Variants in FGD6 observed in about 807,000 individuals in gnomAD.
FGD6 encodes the protein FYVE, RhoGEF and PH domain containing 6, also known as FYVE, RhoGEF and PH domain-containing protein 6.
A neutral mutation model predicts 149.4 loss-of-function variants in FGD6; 90 were observed. That is an observed-to-expected ratio of 0.60 (90% CI 0.51 to 0.72). The LOEUF (loss-of-function observed/expected upper bound fraction) is 0.72, where lower values mean the gene tolerates loss of function less well. Ranked by LOEUF, FGD6 falls within the 30% of genes least tolerant of loss-of-function variation. The pLI is 0.00. For synonymous variants in FGD6, 527 were observed against 584.0 expected, an observed-to-expected ratio of 0.90 and a Z score of 1.41; for missense variants, 1,437 against 1,684.8, an observed-to-expected ratio of 0.85 and a Z score of 2.57.
In FGD6 at chr12:95,209,053, C is replaced by G. The variant is rs1480674292; in HGVS notation, c.2231G>C (p.Cys744Ser). 19 of 1,614,162 alleles carry G rather than the reference C, an allele frequency of 1.2e-5. No individual in the cohort carries two copies. Among genetic ancestry groups the G allele is most frequent in the Middle Eastern group, 1.6e-4 (1 of 6,062 alleles). The change falls in exon 2 of 21, where the codon TGT becomes TCT. Residue 744 changes from cysteine to serine, a missense_variant. Around this residue, in one of 2 missense-constraint regions of FGD6, gnomAD observed 1,055 missense variants for 1,146.0 expected, o/e 0.92. Transcript: ENST00000343958. ...GCGTATATTTTCATACTCCGGTGCACAGAGGCTTGTAACAGACTTGTAAGG... is the reference window on the plus strand; with the variant it reads ...GCGTATATTTTCATACTCCGGTGCAGAGAGGCTTGTAACAGACTTGTAAGG... ...QAPYKSVTSL[C>S]APEYENIRHY...
intron 2 of FGD6, among the ~76,000 whole-genome samples, chr12:95,173,402 AAAT>A (rs1204980825): frequency 6.6e-6 from 1 of 152,214 alleles, no homozygotes; most frequent in African/African-American, 2.4e-5. Context: ...AGGGCCTAGC[AAAT>A]AATAAGTAAG....
At chr12:95,094,443 G>A (rs908140387) in intron 15 of FGD6, 149 bp downstream of exon 15, 4 of 573,172 alleles carry the variant, frequency 7.0e-6, no homozygotes, top group African/African-American at 3.8e-5. Context: ...TTTTAGCGCT[G>A]AAATGAGACA....
At chr12:95,172,551 T>C in intron 3 of FGD6, 49 bp downstream of exon 3, 1 of 1,471,502 alleles carries the variant, frequency 6.8e-7, no homozygotes. Context: ...ACAAATATCA[T>C]TCCCAAGCAT....
intron 2 of FGD6, among the ~76,000 whole-genome samples, chr12:95,205,691 G>A (rs1369514322): frequency 1.3e-5 from 2 of 152,084 alleles, no homozygotes; most frequent in Non-Finnish European, 2.9e-5. Context: ...GGGTGTCAAG[G>A]TGTCCTCCTC....
At chr12:95,208,761 T>C (rs1232241594) in intron 2 of FGD6, 82 bp downstream of exon 2, 4 of 1,472,786 alleles carry the variant, frequency 2.7e-6, no homozygotes, top group Admixed American at 2.5e-5. Flanking sequence ...GTGTTTTTTT[T>C]CCCCCTGCAT....
chr12:95,161,209 C>T (rs1233119609), intron 3 of FGD6, among the ~76,000 whole-genome samples: 1 of 151,804 alleles, frequency 6.6e-6, no homozygotes, highest in South Asian at 2.1e-4. Flanking sequence ...AAAACACCCA[C>T]TTGTGGCTGG....
At chr12:95,187,128 G>A (rs927509691) in intron 2 of FGD6, among the ~76,000 whole-genome samples, 14 of 148,140 alleles carry the variant, frequency 9.5e-5, no homozygotes, top group Non-Finnish European at 1.8e-4. Flanking sequence ...TTAGGAGATC[G>A]AGACCATCCT....
At chr12:95,088,824 C>T (rs1055115750) in intron 18 of FGD6, among the ~76,000 whole-genome samples, 5 of 152,126 alleles carry the variant, frequency 3.3e-5, no homozygotes, top group African/African-American at 9.7e-5. Flanking sequence ...GGAATATACT[C>T]GTAACTTTAC....
chr12:95,170,948 T>C (rs1191880692), intron 3 of FGD6, among the ~76,000 whole-genome samples: 5 of 152,170 alleles, frequency 3.3e-5, no homozygotes, highest in Admixed American at 3.3e-4. Flanking sequence ...TAATTTATAG[T>C]GGTTATTCCC....
In FGD6 at chr12:95,148,698, A is replaced by G. The variant is rs190703370; in HGVS notation, c.2685+4113T>C. 4.1e-3 allele frequency among the ~76,000 whole-genome samples: 435 copies of G among 106,578 alleles called. 51 individuals are homozygous for G. The highest frequency in any genetic ancestry group is 0.017 in the African/African-American group (420 of 24,760). The allele number at this position is 106,578 out of a possible 152,430, so 69.9% of individuals were successfully genotyped here. ...ATATGTTATATTATATATATTATATATTATATAATACATAGCATATGTTAT... is the reference window on the plus strand; with the variant it reads ...ATATGTTATATTATATATATTATATGTTATATAATACATAGCATATGTTAT... On this transcript the variant is annotated intron_variant, in intron 5 of 20. Coordinates refer to ENST00000343958, the MANE Select transcript of FGD6 (RefSeq NM_018351.4).
chr12:95,128,995 A>C (rs1317050333), intron 8 of FGD6, among the ~76,000 whole-genome samples: 1 of 152,174 alleles, frequency 6.6e-6, no homozygotes, highest in East Asian at 1.9e-4. Flanking sequence ...GTGTCCTTGG[A>C]AGAGAAATTA....
intron 8 of FGD6, chr12:95,125,690 A>G: frequency 2.0e-6 from 1 of 493,852 alleles, no homozygotes; most frequent in Non-Finnish European, 3.7e-6. Flanking sequence ...TTTATTCAAT[A>G]CTATCTCTCA....
chr12:95,107,290 C>T (rs1878660007), intron 12 of FGD6, among the ~76,000 whole-genome samples: 2 of 152,124 alleles, frequency 1.3e-5, no homozygotes, highest in African/African-American at 2.4e-5. Context: ...AATTCTAAAT[C>T]CCACAAAGGT....
intron 7 of FGD6, among the ~76,000 whole-genome samples, chr12:95,135,953 A>G (rs1253263505): frequency 1.3e-5 from 2 of 152,196 alleles, no homozygotes; most frequent in African/African-American, 2.4e-5. Flanking sequence ...GTTTTTTGAT[A>G]GCACAAAGAC....
chr12:95,153,124 A>G (rs1880359267), intron 3 of FGD6, 131 bp from the exon 4 acceptor site: 2 of 716,068 alleles, frequency 2.8e-6, no homozygotes, highest in Admixed American at 5.3e-5. Flanking sequence ...ACCATATAAC[A>G]TTTCAAATGG....
At position 95,210,186 on chromosome 12, in the gene FGD6, C is replaced by T. The variant is rs758576715; in HGVS notation, c.1098G>A (p.Gln366=). The T allele has an allele frequency of 1.2e-5, 20 of 1,613,820 alleles. No individual in the cohort carries two copies. Among genetic ancestry groups the T allele is most frequent in the Non-Finnish European group, 1.6e-5 (19 of 1,180,010 alleles). The change falls in exon 2 of 21, where the codon CAG becomes CAA. Residue 366 remains glutamine (Q), a synonymous_variant. Transcript: ENST00000343958. ...CCTGTTCCTGCTTACACAAAACATT[C>T]TGATGCAGAACACTGATTTTATTGA... The part of the protein sequence containing the change: ...LKINKISVLH[Q]NVLCKQEQVD...
At chr12:95,153,257 GA>G (rs979356023) in intron 3 of FGD6, among the ~76,000 whole-genome samples, 10 of 152,304 alleles carry the variant, frequency 6.6e-5, no homozygotes, top group African/African-American at 2.4e-4. Flanking sequence ...ACCTTGCTGG[GA>G]TGCAACCATC....
intron 6 of FGD6, among the ~76,000 whole-genome samples, chr12:95,138,128 C>T (rs536395442): frequency 6.6e-6 from 1 of 151,602 alleles, no homozygotes; most frequent in Non-Finnish European, 1.5e-5. Context: ...TGTTTGAACC[C>T]GGGAGGGGGA....
chr12:95,196,199 G>A (rs967867080), intron 2 of FGD6, among the ~76,000 whole-genome samples: 2 of 152,192 alleles, frequency 1.3e-5, no homozygotes, highest in Non-Finnish European at 2.9e-5. Flanking sequence ...GCCAAGTACA[G>A]TTTTTCAAAT....
Sources: gnomAD v4.1 joint callset for allele counts (sites outside exome capture counted in the v4.1 genomes callset) on GRCh38, gnomAD v4.1.1 for gene constraint, gnomAD v4.1.1 regional missense constraint, MANE v1.5 for transcripts, NCBI Gene and HGNC (gene_info 2026-07-23, HGNC 2026-07-21) for gene names.